Variants in RGL1 observed in about 807,000 individuals in gnomAD.
RGL1 encodes ral guanine nucleotide dissociation stimulator-like 1.
RGL1 carries 24 observed loss-of-function variants against 95.2 expected under a neutral mutation model. The observed-to-expected ratio is 0.25, with a 90% CI of 0.18 to 0.35. The LOEUF is 0.35. Ranked by LOEUF, RGL1 falls within the 10% of genes least tolerant of loss-of-function variation. RGL1 has a pLI of 1.00. For missense variants in RGL1, 715 were observed against 936.3 expected (o/e 0.76, Z 3.08); for synonymous variants, 329 against 344.9 (o/e 0.95, Z 0.51).
At chr1:183,779,681 T>G (rs1184835646) in intron 2 of RGL1, among the ~76,000 whole-genome samples, 2 of 151,978 alleles carry the variant, frequency 1.3e-5, no homozygotes, top group Non-Finnish European at 2.9e-5. Flanking sequence ...TCAAGGTGAG[T>G]GTGTGAGATA....
At chr1:183,887,335 A>T (rs1331243992) in intron 7 of RGL1, among the ~76,000 whole-genome samples, 2 of 151,646 alleles carry the variant, frequency 1.3e-5, no homozygotes, top group African/African-American at 4.9e-5. Context: ...TTTGTTTGGC[A>T]TAGTTTTCAG....
At chr1:183,899,386 T>C (rs370020917) in intron 10 of RGL1, among the ~76,000 whole-genome samples, 5 of 152,202 alleles carry the variant, frequency 3.3e-5, no homozygotes, top group East Asian at 1.9e-4. Context: ...TTCTTGACTG[T>C]TTTTTATGAC....
chr1:183,704,746 G>A (rs1019985309), intron 1 of RGL1, among the ~76,000 whole-genome samples: 1 of 152,196 alleles, frequency 6.6e-6, no homozygotes, highest in Non-Finnish European at 1.5e-5. Context: ...GAGCTGTTGG[G>A]CAGAGATGAG....
intron 1 of RGL1, among the ~76,000 whole-genome samples, chr1:183,705,755 A>G (rs1294673554): frequency 6.6e-6 from 1 of 152,214 alleles, no homozygotes; most frequent in Non-Finnish European, 1.5e-5. Context: ...GGCTTGGTTA[A>G]TGAGCCTGAG....
chr1:183,768,920 A>C (rs1659136772), intron 2 of RGL1, among the ~76,000 whole-genome samples: 1 of 152,240 alleles, frequency 6.6e-6, no homozygotes. Context: ...AGATATTAGC[A>C]TTTTATAGAT....
intron 2 of RGL1, chr1:183,754,900 T>C (rs1658237466): frequency 6.6e-6 from 1 of 152,266 alleles, no homozygotes; most frequent in Non-Finnish European, 1.5e-5. Context: ...CTGTGGGTTC[T>C]GCTTTCATTT....
intron 1 of RGL1, among the ~76,000 whole-genome samples, chr1:183,671,398 A>G (rs903440624): frequency 3.9e-5 from 6 of 152,240 alleles, no homozygotes; most frequent in Admixed American, 1.3e-4. Context: ...TCAACTTTCT[A>G]AGAACTGCCA....
intron 2 of RGL1, among the ~76,000 whole-genome samples, chr1:183,812,516 A>G (rs1296861196): frequency 2.0e-5 from 3 of 152,210 alleles, no homozygotes; most frequent in Non-Finnish European, 4.4e-5. Context: ...GCCAGACACC[A>G]TGTTAAATCT....
At chr1:183,857,077 A>G (rs1226482460) in intron 3 of RGL1, among the ~76,000 whole-genome samples, 2 of 152,160 alleles carry the variant, frequency 1.3e-5, no homozygotes, top group Non-Finnish European at 2.9e-5. Context: ...AAATAAGGAG[A>G]TTATCTTGGA....
chr1:183,878,877 A>T (rs540565955), intron 4 of RGL1, among the ~76,000 whole-genome samples: 1 of 152,354 alleles, frequency 6.6e-6, no homozygotes, highest in Non-Finnish European at 1.5e-5. Flanking sequence ...CAGTGTCATC[A>T]TAAGAGTATC....
chr1:183,767,212 G>C (rs1364623118), intron 2 of RGL1, among the ~76,000 whole-genome samples: 7 of 126,636 alleles, frequency 5.5e-5, no homozygotes, highest in African/African-American at 2.1e-4. Flanking sequence ...CTGGGCAGCA[G>C]AGCAAGACCC....
At chr1:183,807,979 A>T (rs1661452899) in intron 2 of RGL1, among the ~76,000 whole-genome samples, 1 of 152,206 alleles carries the variant, frequency 6.6e-6, no homozygotes, top group African/African-American at 2.4e-5. Context: ...TTTCAGAATG[A>T]TTCACAACTT....
chr1:183,670,810 T>A (rs1030054182), intron 1 of RGL1, among the ~76,000 whole-genome samples: 8 of 152,380 alleles, frequency 5.3e-5, no homozygotes, highest in African/African-American at 1.9e-4. Flanking sequence ...TCCTTTTTAA[T>A]GCTGAATAAT....
intron 1 of RGL1, among the ~76,000 whole-genome samples, chr1:183,734,833 A>T (rs939613869): frequency 3.9e-5 from 6 of 152,190 alleles, no homozygotes; most frequent in Non-Finnish European, 8.8e-5. Context: ...ATGCTAAAGG[A>T]TATTTTTTTG....
At chr1:183,911,952 C>T in intron 14 of RGL1, 130 bp from the exon 15 acceptor site, 3 of 749,628 alleles carry the variant, frequency 4.0e-6, no homozygotes, top group Non-Finnish European at 6.5e-6. Context: ...CGAATGTCCT[C>T]CTAAAATAAT....
intron 16 of RGL1, among the ~76,000 whole-genome samples, chr1:183,918,861 A>G (rs1669149542): frequency 6.6e-6 from 1 of 152,192 alleles, no homozygotes; most frequent in African/African-American, 2.4e-5. Context: ...CTCTCATTCT[A>G]ATCGTTAGGC....
At chr1:183,795,067 C>T (rs1004151059) in intron 2 of RGL1, among the ~76,000 whole-genome samples, 2 of 152,146 alleles carry the variant, frequency 1.3e-5, no homozygotes, top group African/African-American at 4.8e-5. Context: ...CAGGGTCTTG[C>T]TGCATTGCCC....
chr1:183,887,671 C>G (rs1042133764), intron 7 of RGL1, among the ~76,000 whole-genome samples: 3 of 152,186 alleles, frequency 2.0e-5, no homozygotes, highest in African/African-American at 4.8e-5. Context: ...CCCTGCTATT[C>G]AGTCACAGGA....
At position 183,724,457 on chromosome 1, in the gene RGL1, G is replaced by A. The variant is rs928209765; in HGVS notation, c.-32-17669G>A. Among the ~76,000 whole-genome samples the A allele has an allele frequency of 6.6e-6, 1 of 152,084 alleles. No individual in the cohort carries two copies. The highest frequency in any genetic ancestry group is 2.4e-5 in the African/African-American group (1 of 41,404). The stretch of plus-strand genomic sequence containing the variant: ...CACTTCCCTGACATATGAGTCCTAA[G>A]CCTGGCAACATTCACCACAAGCTGA... On this transcript the variant is annotated intron_variant, in intron 1 of 18. Coordinates refer to the RGL1 transcript ENST00000304685. The surrounding 1 kb of genome is among the most constrained non-coding windows in gnomAD (Gnocchi z 4.1).
Sources: gnomAD v4.1 joint callset for allele counts (sites outside exome capture counted in the v4.1 genomes callset) on GRCh38, gnomAD v4.1.1 for gene constraint, Gnocchi (gnomAD v3.1) non-coding constraint, MANE v1.5 for transcripts, NCBI Gene and HGNC (gene_info 2026-07-23, HGNC 2026-07-21) for gene names.